The following LRRC4C variants were observed in gnomAD, a reference collection of about 807,000 sequenced individuals.
LRRC4C encodes leucine-rich repeat-containing protein 4C.
In LRRC4C, 5 loss-of-function variants were observed where a neutral mutation model predicts 33.6. That is an observed-to-expected ratio of 0.15 (90% CI 0.08 to 0.31). The LOEUF is 0.31. LRRC4C is among the 10% of genes least tolerant of loss of function. The pLI is 1.00. For missense variants in LRRC4C, 560 were observed against 796.7 expected (o/e 0.70, Z 3.58); for synonymous variants, 329 against 302.0 (o/e 1.09, Z -0.93).
chr11:40,509,444 G>A (rs568946964), intron 3 of LRRC4C, among the ~76,000 whole-genome samples: 99 of 151,996 alleles, frequency 6.5e-4, no homozygotes, highest in Non-Finnish European at 1.2e-3. Context: ...AAATGTAAAT[G>A]ATAGTAAAGC....
intron 3 of LRRC4C, among the ~76,000 whole-genome samples, chr11:40,646,477 C>CT (rs1255752118): frequency 2.0e-5 from 3 of 152,060 alleles, no homozygotes; most frequent in Admixed American, 6.6e-5. Flanking sequence ...CTAAATGAGC[C>CT]TTTTTTCTCA....
chr11:40,631,373 C>T (rs1963465844), intron 3 of LRRC4C, among the ~76,000 whole-genome samples: 1 of 152,052 alleles, frequency 6.6e-6, no homozygotes, highest in African/African-American at 2.4e-5. Context: ...GGGTGGTGCC[C>T]CAGTAATTGC....
At chr11:41,096,629 G>A (rs953844332) in intron 1 of LRRC4C, among the ~76,000 whole-genome samples, 7 of 152,120 alleles carry the variant, frequency 4.6e-5, no homozygotes, top group Admixed American at 3.3e-4. Context: ...AGTAAGAAAG[G>A]GAAACAGAAG....
At chr11:40,809,590 C>T (rs111974127) in intron 2 of LRRC4C, among the ~76,000 whole-genome samples, 1,841 of 152,134 alleles carry the variant, frequency 0.012, 19 homozygotes, top group South Asian at 0.039. Context: ...TCTGTTTCCC[C>T]TCCTCCACAC....
chr11:40,402,770 A>T (rs1949808768), intron 3 of LRRC4C, among the ~76,000 whole-genome samples: 1 of 152,110 alleles, frequency 6.6e-6, no homozygotes, highest in South Asian at 2.1e-4. Flanking sequence ...ATACTGCATG[A>T]TCTTCACATG....
intron 1 of LRRC4C, among the ~76,000 whole-genome samples, chr11:41,172,152 C>A (rs539965969): frequency 7.4e-4 from 113 of 152,232 alleles, no homozygotes; most frequent in Admixed American, 1.4e-3. Context: ...GACTTACTTG[C>A]TTTTCTAAAA....
chr11:41,380,691 C>T (rs904618515), intron 1 of LRRC4C, among the ~76,000 whole-genome samples: 14 of 152,034 alleles, frequency 9.2e-5, no homozygotes, highest in South Asian at 2.1e-4. Context: ...ACACTGAAGT[C>T]GGATTTTATT....
chr11:41,239,047 G>A (rs1948138096), intron 1 of LRRC4C, among the ~76,000 whole-genome samples: 1 of 151,174 alleles, frequency 6.6e-6, no homozygotes. Context: ...CGGGCACGGT[G>A]TCTCACGTCT....
Position 41,037,776 on chromosome 11 carries a change from G to A in LRRC4C, c.-495-104053C>T, listed in dbSNP as rs61304169. ...TTTAATTTGAAGTACACCTGAATTC[G>A]GAGTACTTAATTTAATCTTCCCTCT... On this transcript the variant is annotated intron_variant, in intron 1 of 6. Coordinates refer to ENST00000528697, the MANE Select transcript of LRRC4C (RefSeq NM_001258419.2). Among the ~76,000 whole-genome samples, 371 of 152,142 alleles carry A rather than the reference G, an allele frequency of 2.4e-3. 2 individuals carry two copies. The highest frequency in any genetic ancestry group is 8.7e-3 in the African/African-American group (360 of 41,500).
At chr11:40,803,975 T>C (rs1046342793) in intron 2 of LRRC4C, among the ~76,000 whole-genome samples, 2 of 152,360 alleles carry the variant, frequency 1.3e-5, no homozygotes, top group Admixed American at 6.5e-5. Flanking sequence ...TTATTGACTA[T>C]AGTCACTCTG....
intron 5 of LRRC4C, among the ~76,000 whole-genome samples, chr11:40,213,551 C>G (rs1863761415): frequency 6.6e-6 from 1 of 152,130 alleles, no homozygotes; most frequent in South Asian, 2.1e-4. Flanking sequence ...GTAGCCAAAA[C>G]AAAGGAACAT....
chr11:41,313,929 C>G (rs1950711821), intron 1 of LRRC4C, among the ~76,000 whole-genome samples: 1 of 152,018 alleles, frequency 6.6e-6, no homozygotes, highest in African/African-American at 2.4e-5. Context: ...TTCATCTATT[C>G]AAATAAAAAT....
At chr11:41,128,594 T>C (rs10837578) in intron 1 of LRRC4C, among the ~76,000 whole-genome samples, 30,375 of 151,884 alleles carry the variant, frequency 0.2, 3,588 homozygotes, top group East Asian at 0.38. Context: ...GGAGACCAAA[T>C]ACTTAAGATT....
At chr11:40,187,634 G>T (rs1480466978) in intron 5 of LRRC4C, among the ~76,000 whole-genome samples, 1 of 152,036 alleles carries the variant, frequency 6.6e-6, no homozygotes, top group Non-Finnish European at 1.5e-5. Flanking sequence ...CAAGGGCAAA[G>T]AGAAGGAAAG....
intron 2 of LRRC4C, among the ~76,000 whole-genome samples, chr11:40,916,894 A>G (rs1956986156): frequency 6.6e-6 from 1 of 152,088 alleles, no homozygotes; most frequent in Admixed American, 6.6e-5. Context: ...TCAATGTTAC[A>G]TGAATTTATG....
intron 3 of LRRC4C, among the ~76,000 whole-genome samples, chr11:40,444,717 T>C (rs1951552925): frequency 2.0e-5 from 3 of 152,212 alleles, no homozygotes; most frequent in Non-Finnish European, 4.4e-5. Flanking sequence ...TTTAATAAAC[T>C]AAATTGCTGT....
intron 1 of LRRC4C, among the ~76,000 whole-genome samples, chr11:41,005,985 TCTTC>T (rs1283824341): frequency 3.3e-5 from 5 of 151,936 alleles, no homozygotes; most frequent in East Asian, 1.9e-4. Context: ...TCCCTTCCTC[TCTTC>T]CTTCCTTCCT....
intron 5 of LRRC4C, among the ~76,000 whole-genome samples, chr11:40,143,102 T>C (rs989709219): frequency 6.6e-6 from 1 of 152,170 alleles, no homozygotes; most frequent in Admixed American, 6.5e-5. Flanking sequence ...CTCTACATCT[T>C]ATCACCTTTA....
At chr11:41,194,332 A>G (rs978929884) in intron 1 of LRRC4C, among the ~76,000 whole-genome samples, 2 of 152,096 alleles carry the variant, frequency 1.3e-5, no homozygotes, top group Non-Finnish European at 2.9e-5. Context: ...ATATTGTTCA[A>G]GGGTCAACTA....
Sources: allele counts gnomAD v4.1 joint callset (sites outside exome capture counted in the v4.1 genomes callset), GRCh38; gene constraint gnomAD v4.1.1; transcripts MANE v1.5; gene names NCBI Gene and HGNC (gene_info 2026-07-23, HGNC 2026-07-21).